The following RHEB variants were observed in gnomAD, a reference collection of about 807,000 sequenced individuals.
The protein encoded by RHEB is Ras homolog, mTORC1 binding.
A neutral mutation model predicts 28.8 loss-of-function variants in RHEB; 2 were observed. That is an observed-to-expected ratio of 0.07 (90% CI 0.03 to 0.22). RHEB has a LOEUF of 0.22. RHEB is among the 10% of genes least tolerant of loss of function. The probability of loss-of-function intolerance (pLI) is 1.00; values close to 1 mark genes in which losing one functional copy is unlikely to be tolerated. For synonymous variants in RHEB, 69 were observed against 77.3 expected (o/e 0.89, Z 0.56); for missense variants, 76 against 219.9 (o/e 0.35, Z 4.14).
Position 151,496,126 on chromosome 7 carries a change from C to T in RHEB, c.53-5112G>A, listed in dbSNP as rs189052795. On this transcript the variant is annotated intron_variant, in intron 1 of 7. Coordinates refer to ENST00000262187, the MANE Select transcript of RHEB (RefSeq NM_005614.4). Reference sequence around the variant, plus strand: ...CAACCCATTCCAGGGCTGCTTTCACCACCTCAAATTCACAACATAACTTTA... The same window carrying T: ...CAACCCATTCCAGGGCTGCTTTCACTACCTCAAATTCACAACATAACTTTA... Among the ~76,000 whole-genome samples, 328 of 152,304 alleles carry T rather than the reference C, an allele frequency of 2.2e-3. 1 individual carries two copies. The highest frequency in any genetic ancestry group is 7.5e-3 in the African/African-American group (313 of 41,564).
intron 4 of RHEB, 74 bp downstream of exon 4, chr7:151,477,259 C>T: frequency 1.1e-6 from 1 of 881,698 alleles, no homozygotes; most frequent in Non-Finnish European, 1.9e-6. Flanking sequence ...TTAATAATTC[C>T]AGCACAGTCC....
intron 4 of RHEB, among the ~76,000 whole-genome samples, chr7:151,474,472 C>T (rs767610109): frequency 6.6e-5 from 10 of 152,138 alleles, no homozygotes; most frequent in East Asian, 1.9e-4. Flanking sequence ...TGGGCCACTG[C>T]GCCTGGCCCT....
chr7:151,507,823 T>C (rs1014486712), intron 1 of RHEB, among the ~76,000 whole-genome samples: 2 of 152,194 alleles, frequency 1.3e-5, no homozygotes, highest in Non-Finnish European at 2.9e-5. Context: ...ACCAGATATA[T>C]ACCACTGAGG....
chr7:151,501,867 G>A, intron 1 of RHEB: 2 of 614,168 alleles, frequency 3.3e-6, no homozygotes. Flanking sequence ...TAGGGAAGAG[G>A]AGGCAAGAAG....
At chr7:151,480,345 T>C (rs978028213) in intron 3 of RHEB, among the ~76,000 whole-genome samples, 1 of 152,048 alleles carries the variant, frequency 6.6e-6, no homozygotes, top group African/African-American at 2.4e-5. Flanking sequence ...TAGGTATTGA[T>C]ATGGAATAAT....
intron 1 of RHEB, chr7:151,503,398 C>G: frequency 1.8e-6 from 2 of 1,139,076 alleles, no homozygotes. Context: ...CCTGCAGTAC[C>G]GAGTAGATTT....
intron 1 of RHEB, among the ~76,000 whole-genome samples, chr7:151,507,516 T>C (rs904505887): frequency 1.3e-5 from 2 of 152,148 alleles, no homozygotes; most frequent in Non-Finnish European, 2.9e-5. Flanking sequence ...ATGCAGAACA[T>C]ACACATCTTA....
At chr7:151,512,030 G>A (rs1391616837) in intron 1 of RHEB, among the ~76,000 whole-genome samples, 3 of 152,188 alleles carry the variant, frequency 2.0e-5, no homozygotes, top group Non-Finnish European at 2.9e-5. Flanking sequence ...CAAGAATGAC[G>A]TGACGAAGAT....
rs912686562 is a variant in RHEB, at chr7:151,494,466, C to T, written c.53-3452G>A. 5.9e-5 allele frequency among the ~76,000 whole-genome samples: 9 copies of T among 152,312 alleles called. 1 individual carries two copies. The highest frequency in any genetic ancestry group is 5.9e-4 in the Admixed American group (9 of 15,308). On this transcript the variant is annotated intron_variant, in intron 1 of 7. Transcript: ENST00000262187. ...GTGCAAAAACGGAGTGAGAGAAGAGCTCCTTATTTGTATCACAATGGGCAT... is the reference window on the plus strand; with the variant it reads ...GTGCAAAAACGGAGTGAGAGAAGAGTTCCTTATTTGTATCACAATGGGCAT...
chr7:151,482,478 G>A (rs541857505), intron 3 of RHEB, among the ~76,000 whole-genome samples: 9 of 152,170 alleles, frequency 5.9e-5, no homozygotes, highest in Admixed American at 5.9e-4. Context: ...TAACCCCAGG[G>A]CCCACACTCC....
intron 1 of RHEB, among the ~76,000 whole-genome samples, chr7:151,505,703 G>A (rs1005316831): frequency 2.6e-5 from 4 of 152,142 alleles, no homozygotes; most frequent in African/African-American, 9.7e-5. Context: ...TACTCAAAAT[G>A]CTCATAATAG....
intron 7 of RHEB, among the ~76,000 whole-genome samples, chr7:151,467,994 A>G (rs1332535956): frequency 6.6e-6 from 1 of 152,120 alleles, no homozygotes; most frequent in Non-Finnish European, 1.5e-5. Context: ...GCACCAGGAC[A>G]ACAGGCCTGA....
intron 7 of RHEB, among the ~76,000 whole-genome samples, chr7:151,467,708 G>A (rs952042545): frequency 1.3e-5 from 2 of 152,092 alleles, no homozygotes; most frequent in South Asian, 2.1e-4. Flanking sequence ...CCTCTGTGGC[G>A]TAATTCTCGG....
At chr7:151,504,111 G>A (rs949296502) in intron 1 of RHEB, among the ~76,000 whole-genome samples, 8 of 152,168 alleles carry the variant, frequency 5.3e-5, no homozygotes, top group Non-Finnish European at 1.0e-4. Flanking sequence ...AAATCAAACT[G>A]ACTCATGAAG....
intron 1 of RHEB, chr7:151,503,340 G>T (rs2150935188): frequency 1.1e-6 from 1 of 875,710 alleles, no homozygotes; most frequent in Non-Finnish European, 2.0e-6. Context: ...CAGATAAAAT[G>T]CAAGACGGGT....
chr7:151,519,428 G>A, intron 1 of RHEB, 32 bp downstream of exon 1: 3 of 1,385,380 alleles, frequency 2.2e-6, no homozygotes, highest in Non-Finnish European at 2.8e-6. Flanking sequence ...CCCCGGCGGC[G>A]CGAGGAGGCC....
rs1397011872 is a variant in RHEB, at chr7:151,470,723, T to C, written c.381-71A>G. ...ATATAAAACATGTATAATTGATTTA[T>C]GAAACAGGCTCCATTTTGGTCAATT... On this transcript the variant is annotated intron_variant, in intron 6 of 7. Coordinates refer to ENST00000262187, the MANE Select transcript of RHEB (RefSeq NM_005614.4). 10 of 1,055,426 alleles carry C rather than the reference T, an allele frequency of 9.5e-6. No homozygotes were observed. In the East Asian group the frequency reaches 1.8e-4, roughly 19 times the overall value. The allele number at this position is 1,055,426 out of a possible 1,614,324, so 65.4% of individuals were successfully genotyped here.
intron 3 of RHEB, among the ~76,000 whole-genome samples, chr7:151,478,607 A>C (rs1160894001): frequency 6.6e-6 from 1 of 152,096 alleles, no homozygotes; most frequent in East Asian, 1.9e-4. Flanking sequence ...AGAAGGTATA[A>C]TGGAGGAAAG....
chr7:151,510,923 A>T (rs1050229554), intron 1 of RHEB, among the ~76,000 whole-genome samples: 3 of 151,776 alleles, frequency 2.0e-5, no homozygotes, highest in African/African-American at 2.4e-5. Context: ...ACAAAAAAAT[A>T]AAAAAATAGC....
Sources: gnomAD v4.1 joint callset for allele counts (sites outside exome capture counted in the v4.1 genomes callset) on GRCh38, gnomAD v4.1.1 for gene constraint, MANE v1.5 for transcripts, NCBI Gene and HGNC (gene_info 2026-07-23, HGNC 2026-07-21) for gene names.